The following CNTN4 variants were observed in gnomAD, a reference collection of about 807,000 sequenced individuals.
CNTN4 encodes the protein contactin-4.
CNTN4 carries 77 observed loss-of-function variants against 122.5 expected under a neutral mutation model. The ratio of observed to expected loss-of-function variants is 0.63; its 90% CI spans 0.52 to 0.76. CNTN4 has a LOEUF of 0.76. Among genes scored for constraint, CNTN4 ranks in the 30% least tolerant of loss-of-function variants. CNTN4 has a pLI of 0.00. For synonymous variants in CNTN4, 512 were observed against 447.0 expected, an observed-to-expected ratio of 1.15 and a Z score of -1.83; for missense variants, 1,256 against 1,259.1, an observed-to-expected ratio of 1.00 and a Z score of 0.04.
At chr3:2,378,782 A>AT (rs1016002282) in intron 3 of CNTN4, among the ~76,000 whole-genome samples, 5 of 150,570 alleles carry the variant, frequency 3.3e-5, no homozygotes, top group African/African-American at 4.9e-5. Context: ...TGGTAGCATT[A>AT]TTTTTTTTTC....
chr3:2,263,779 C>T (rs1459169317), intron 2 of CNTN4, among the ~76,000 whole-genome samples: 1 of 145,812 alleles, frequency 6.9e-6, no homozygotes, highest in Non-Finnish European at 1.5e-5. Context: ...TCTTCATCTG[C>T]CTCTCCCTTC....
chr3:2,602,238 G>C (rs1472307260), intron 4 of CNTN4, among the ~76,000 whole-genome samples: 1 of 152,128 alleles, frequency 6.6e-6, no homozygotes, highest in Admixed American at 6.5e-5. Flanking sequence ...GAAAGTTCTG[G>C]CCAGGGCAAT....
At chr3:2,362,355 G>T in intron 3 of CNTN4, 1 of 314,620 alleles carries the variant, frequency 3.2e-6, no homozygotes, top group South Asian at 2.6e-5. Context: ...CTGTAGGTGT[G>T]ACTGGTGGGA....
chr3:2,287,219 A>AT (rs1372344505), intron 2 of CNTN4, among the ~76,000 whole-genome samples: 2 of 152,158 alleles, frequency 1.3e-5, no homozygotes, highest in Admixed American at 6.5e-5. Flanking sequence ...CATTATACAC[A>AT]TTGTAACTCT....
intron 2 of CNTN4, among the ~76,000 whole-genome samples, chr3:2,267,839 A>G (rs1291426317): frequency 6.6e-6 from 1 of 151,772 alleles, no homozygotes; most frequent in Non-Finnish European, 1.5e-5. Flanking sequence ...TCTTTTCATC[A>G]TATATATAAC....
intron 4 of CNTN4, among the ~76,000 whole-genome samples, chr3:2,612,463 G>A (rs893160689): frequency 3.7e-4 from 57 of 152,056 alleles, no homozygotes; most frequent in Non-Finnish European, 7.5e-4. Context: ...TTGGGGGACC[G>A]TGTGTATATG....
chr3:2,116,826 G>T (rs958140769), intron 2 of CNTN4, among the ~76,000 whole-genome samples: 17 of 152,218 alleles, frequency 1.1e-4, no homozygotes, highest in African/African-American at 3.4e-4. Flanking sequence ...TTCAGCCCTG[G>T]CTCCTCCTTA....
intron 6 of CNTN4, among the ~76,000 whole-genome samples, chr3:2,776,728 A>T (rs1036969155): frequency 5.5e-4 from 83 of 152,262 alleles, no homozygotes; most frequent in African/African-American, 1.8e-3. Flanking sequence ...TTGATTACCT[A>T]TAGGTTCCTC....
At chr3:2,970,517 G>A (rs1240996195) in intron 13 of CNTN4, among the ~76,000 whole-genome samples, 13 of 152,002 alleles carry the variant, frequency 8.6e-5, no homozygotes, top group Admixed American at 7.9e-4. Context: ...CTTGATTCCA[G>A]CTCACTGCAG....
At chr3:2,629,089 C>G (rs1398029438) in intron 4 of CNTN4, among the ~76,000 whole-genome samples, 2 of 152,116 alleles carry the variant, frequency 1.3e-5, no homozygotes, top group Non-Finnish European at 2.9e-5. Context: ...GAATGTCCCC[C>G]CTCAAATTGA....
chr3:3,021,939 A>G (rs1379438272), intron 14 of CNTN4, among the ~76,000 whole-genome samples: 1 of 151,982 alleles, frequency 6.6e-6, no homozygotes, highest in Non-Finnish European at 1.5e-5. Context: ...TAAATAAAAC[A>G]TTAGCCAGGC....
At chr3:2,704,179 C>A (rs1028654328) in intron 4 of CNTN4, among the ~76,000 whole-genome samples, 1 of 151,550 alleles carries the variant, frequency 6.6e-6, no homozygotes, top group South Asian at 2.1e-4. Context: ...CACCTGTAGT[C>A]CCCAGTACTC....
chr3:2,785,904 C>CT (rs1236029428), intron 6 of CNTN4, among the ~76,000 whole-genome samples: 3 of 130,804 alleles, frequency 2.3e-5, no homozygotes, highest in South Asian at 3.3e-4. Context: ...TGCCCCCCCC[C>CT]GCCCCCCCAT....
chr3:2,300,233 T>C (rs960907105), intron 2 of CNTN4, among the ~76,000 whole-genome samples: 1 of 152,204 alleles, frequency 6.6e-6, no homozygotes, highest in Non-Finnish European at 1.5e-5. Context: ...TTTAGCTCAT[T>C]TTCTATCATT....
intron 2 of CNTN4, among the ~76,000 whole-genome samples, chr3:2,179,578 A>G (rs1001813720): frequency 3.3e-5 from 5 of 152,024 alleles, no homozygotes; most frequent in African/African-American, 1.2e-4. Context: ...CAACACCGCC[A>G]TTAGCAATTT....
intron 2 of CNTN4, among the ~76,000 whole-genome samples, chr3:2,278,521 A>C (rs2041602912): frequency 6.6e-6 from 1 of 152,212 alleles, no homozygotes; most frequent in Non-Finnish European, 1.5e-5. Flanking sequence ...AACATGTTTT[A>C]GATAAGTGGT....
intron 3 of CNTN4, among the ~76,000 whole-genome samples, chr3:2,514,394 C>G (rs1434201423): frequency 6.6e-6 from 1 of 151,610 alleles, no homozygotes; most frequent in Non-Finnish European, 1.5e-5. Context: ...TCCCAGCTAC[C>G]AGGGAGGCTG....
At chr3:2,356,414 G>A (rs191082705) in intron 3 of CNTN4, among the ~76,000 whole-genome samples, 132 of 152,194 alleles carry the variant, frequency 8.7e-4, no homozygotes, top group African/African-American at 2.5e-3. Context: ...TTTTTAGACC[G>A]TATAGGGTAA....
At chr3:2,150,077 A>T (rs2035428214) in intron 2 of CNTN4, among the ~76,000 whole-genome samples, 1 of 152,138 alleles carries the variant, frequency 6.6e-6, no homozygotes, top group Admixed American at 6.5e-5. Flanking sequence ...ATATTCTACA[A>T]GATGCTTAGC....
Sources: allele counts gnomAD v4.1 joint callset (sites outside exome capture counted in the v4.1 genomes callset), GRCh38; gene constraint gnomAD v4.1.1; transcripts MANE v1.5; gene names NCBI Gene and HGNC (gene_info 2026-07-23, HGNC 2026-07-21).